The following MTBP variants were observed in gnomAD, a reference collection of about 807,000 sequenced individuals.
MTBP encodes the protein mdm2-binding protein.
MTBP carries 101 observed loss-of-function variants against 117.0 expected under a neutral mutation model. The observed-to-expected ratio is 0.86, with a 90% confidence interval of 0.73 to 1.02. The LOEUF (loss-of-function observed/expected upper bound fraction) is 1.02, where lower values mean the gene tolerates loss of function less well. Ranked by LOEUF, MTBP falls within the 50% of genes least tolerant of loss-of-function variation. The pLI is 0.00. For synonymous variants in MTBP, 350 were observed against 351.5 expected (o/e 1.00, Z 0.05); for missense variants, 970 against 1,030.9 (o/e 0.94, Z 0.81).
At chr8:120,493,468 A>T (rs572676786) in intron 13 of MTBP, among the ~76,000 whole-genome samples, 144 of 151,136 alleles carry the variant, frequency 9.5e-4, no homozygotes, top group Non-Finnish European at 1.8e-3. Context: ...GTGTGTGTGT[A>T]TGTGTGTGTG....
intron 13 of MTBP, among the ~76,000 whole-genome samples, chr8:120,496,610 G>T (rs1224800324): frequency 1.3e-5 from 2 of 151,532 alleles, no homozygotes; most frequent in Non-Finnish European, 2.9e-5. Context: ...TGGTATCAAA[G>T]CTTGGAGTCC....
chr8:120,476,037 A>G (rs1410768023), intron 11 of MTBP, among the ~76,000 whole-genome samples: 1 of 152,068 alleles, frequency 6.6e-6, no homozygotes, highest in Admixed American at 6.6e-5. Context: ...AAATAAGGTA[A>G]TCAAGGAAAC....
At chr8:120,480,769 C>G (rs991085792) in intron 11 of MTBP, among the ~76,000 whole-genome samples, 7 of 151,786 alleles carry the variant, frequency 4.6e-5, no homozygotes, top group Admixed American at 1.3e-4. Context: ...AATTCAAGAG[C>G]TAAAATTATA....
chr8:120,467,380 C>G (rs1813721142), intron 10 of MTBP, among the ~76,000 whole-genome samples: 1 of 152,144 alleles, frequency 6.6e-6, no homozygotes, highest in Non-Finnish European at 1.5e-5. Flanking sequence ...TTTGGGAGGC[C>G]AAGGCGGGTG....
At chr8:120,458,580 C>G (rs1813518353) in intron 7 of MTBP, among the ~76,000 whole-genome samples, 1 of 152,076 alleles carries the variant, frequency 6.6e-6, no homozygotes, top group African/African-American at 2.4e-5. Context: ...TGGCTCACAC[C>G]TGTAATCCCA....
intron 11 of MTBP, among the ~76,000 whole-genome samples, chr8:120,485,260 A>G (rs1183637062): frequency 6.6e-6 from 1 of 152,122 alleles, no homozygotes; most frequent in Non-Finnish European, 1.5e-5. Flanking sequence ...GCTATATTTG[A>G]TAAATTTTAT....
At chr8:120,483,556 T>C (rs1157163952) in intron 11 of MTBP, among the ~76,000 whole-genome samples, 4 of 152,168 alleles carry the variant, frequency 2.6e-5, no homozygotes, top group Non-Finnish European at 4.4e-5. Context: ...AAAATGAGTA[T>C]TATAAGGTTT....
At chr8:120,482,322 T>A (rs778365415) in intron 11 of MTBP, among the ~76,000 whole-genome samples, 6 of 152,220 alleles carry the variant, frequency 3.9e-5, no homozygotes, top group Non-Finnish European at 8.8e-5. Flanking sequence ...ATGAGAGTAC[T>A]ACTACTTCCT....
chr8:120,468,069 A>G lies in MTBP; in HGVS notation c.1048-2751A>G, dbSNP rs532789359. ...CACATTTTTTGGGTTATGAAGTCTT[A>G]TGTATGCAAGAAAGAACTAGGATTT... On this transcript the variant is annotated intron_variant, in intron 10 of 21. Transcript: ENST00000305949. Among the ~76,000 whole-genome samples, 6 of 41,096 alleles carry G rather than the reference A, an allele frequency of 1.5e-4. No homozygotes were observed. In the East Asian group the frequency reaches 4.8e-3, roughly 33 times the overall value. The allele number at this position is 41,096 out of a possible 152,430, so 27.0% of individuals were successfully genotyped here. A position where few individuals can be genotyped will look rare whatever the true frequency, so the allele number is the denominator to read the frequency against.
intron 11 of MTBP, 72 bp from the exon 12 acceptor site, chr8:120,488,087 A>C (rs1814256330): frequency 7.9e-7 from 1 of 1,264,098 alleles, no homozygotes; most frequent in African/African-American, 1.6e-5. Context: ...TATCCTATGG[A>C]TCAAATGTAT....
Position 120,510,002 on chromosome 8 carries a change from C to T in MTBP, c.1952C>T (p.Ala651Val). 6.2e-7 allele frequency: 1 copy of T among 1,611,408 alleles called. No individual in the cohort carries two copies. The highest frequency in any genetic ancestry group is 8.5e-7 in the Non-Finnish European group (1 of 1,178,446). Reference sequence around the variant, plus strand: ...CTTCAGGTCTTACCTTTTGAGAAAGCCTCAGTATGTCATTATCATGGAATT... The same window carrying T: ...CTTCAGGTCTTACCTTTTGAGAAAGTCTCAGTATGTCATTATCATGGAATT... The part of the protein sequence containing the change: ...GKLQVLPFEK[A>V]SVCHYHGIEY... Residue 651 changes from alanine to valine, a missense_variant, in exon 17 of 22, where the codon GCC (alanine) becomes GTC (valine). Ala to Val is a moderately conservative substitution (Grantham distance 64). Transcript: ENST00000305949.
At chr8:120,455,135 C>T (rs1270415765) in intron 5 of MTBP, among the ~76,000 whole-genome samples, 1 of 151,506 alleles carries the variant, frequency 6.6e-6, no homozygotes, top group Non-Finnish European at 1.5e-5. Context: ...TGTAATTAAC[C>T]ACTGCTGCAG....
At chr8:120,509,441 A>C (rs1194582254) in intron 16 of MTBP, among the ~76,000 whole-genome samples, 1 of 152,048 alleles carries the variant, frequency 6.6e-6, no homozygotes, top group Non-Finnish European at 1.5e-5. Context: ...GTCTCTACTA[A>C]AAATACAAAA....
Position 120,459,214 on chromosome 8 carries a change from GT to G in MTBP, c.750del (p.Phe250LeufsTer12). The G allele has an allele frequency of 6.2e-7, 1 of 1,606,216 alleles. No homozygotes were observed. Among genetic ancestry groups the G allele is most frequent in the Non-Finnish European group, 8.5e-7 (1 of 1,175,312 alleles). ...ACTGTGTTTTCTTGGTCTCTTTTCA[GT>G]TTGGATTTGAAATTAGTTTTCCTGA... ...RGKIQIWERK[F>X]GFEISFPEFC... On this transcript the variant is annotated frameshift_variant and splice_region_variant, in exon 8 of 22. Coordinates refer to ENST00000305949, the MANE Select transcript of MTBP (RefSeq NM_022045.5). LOFTEE classifies it high-confidence loss of function.
intron 10 of MTBP, among the ~76,000 whole-genome samples, chr8:120,465,422 A>C (rs1266926012): frequency 6.6e-6 from 1 of 152,198 alleles, no homozygotes; most frequent in Non-Finnish European, 1.5e-5. Context: ...GAGTTGTAAT[A>C]AAAACCAAAT....
At chr8:120,456,742 C>G in intron 7 of MTBP, 72 bp downstream of exon 7, 1 of 805,206 alleles carries the variant, frequency 1.2e-6, no homozygotes, top group Non-Finnish European at 2.1e-6. Context: ...TTAAATAAAT[C>G]TTAATGAAAA....
At chr8:120,471,589 C>T (rs1172034714) in intron 11 of MTBP, 1 of 152,240 alleles carries the variant, frequency 6.6e-6, no homozygotes, top group African/African-American at 2.4e-5. Context: ...AGGCGTGGGC[C>T]ACCGCACTTG....
At chr8:120,492,821 TATTTA>T (rs1256093943) in intron 13 of MTBP, among the ~76,000 whole-genome samples, 1 of 152,214 alleles carries the variant, frequency 6.6e-6, no homozygotes, top group Non-Finnish European at 1.5e-5. Context: ...CATCTAATAC[TATTTA>T]ATTAGAATGA....
intron 2 of MTBP, among the ~76,000 whole-genome samples, chr8:120,448,614 C>A (rs1217828423): frequency 6.6e-6 from 1 of 152,190 alleles, no homozygotes; most frequent in Non-Finnish European, 1.5e-5. Flanking sequence ...GGTTACTGAT[C>A]ATGACACACA....
Sources: gnomAD v4.1 joint callset for allele counts (sites outside exome capture counted in the v4.1 genomes callset) on GRCh38, gnomAD v4.1.1 for gene constraint, MANE v1.5 for transcripts, NCBI Gene and HGNC (gene_info 2026-07-23, HGNC 2026-07-21) for gene names.